NDUFS4: variants seen among roughly 807,000 people sequenced by gnomAD.
NDUFS4 encodes NADH:ubiquinone oxidoreductase subunit S4, also known as NADH dehydrogenase [ubiquinone] iron-sulfur protein 4, mitochondrial.
A neutral mutation model predicts 24.3 loss-of-function variants in NDUFS4; 28 were observed. That is an observed-to-expected ratio of 1.15 (90% CI 0.85 to 1.58). The LOEUF is 1.58. NDUFS4 is among the 40% of genes most tolerant of loss of function. The probability of loss-of-function intolerance (pLI) is 0.00; values close to 1 mark genes in which losing one functional copy is unlikely to be tolerated. For synonymous variants in NDUFS4, 93 were observed against 69.7 expected (o/e 1.34, Z -1.67); for missense variants, 223 against 207.9 (o/e 1.07, Z -0.45).
chr5:53,561,075 G>C (rs989037827), intron 1 of NDUFS4, among the ~76,000 whole-genome samples: 8 of 152,130 alleles, frequency 5.3e-5, no homozygotes, highest in Non-Finnish European at 1.0e-4. Context: ...TCAGAGAAGG[G>C]GAGGAGTCTC....
chr5:53,630,323 A>G (rs943206108), intron 2 of NDUFS4, among the ~76,000 whole-genome samples: 15 of 149,276 alleles, frequency 1.0e-4, no homozygotes, highest in African/African-American at 3.7e-4. Context: ...TTTTTTCTTC[A>G]TTTCAACCTT....
chr5:53,635,774 A>G (rs1199406233), intron 2 of NDUFS4, among the ~76,000 whole-genome samples: 2 of 152,198 alleles, frequency 1.3e-5, no homozygotes, highest in Non-Finnish European at 2.9e-5. Context: ...TGAACTTAGA[A>G]AACAAAGATT....
intron 3 of NDUFS4, among the ~76,000 whole-genome samples, chr5:53,648,309 T>G (rs1751922039): frequency 1.3e-5 from 2 of 152,160 alleles, no homozygotes; most frequent in South Asian, 4.1e-4. Flanking sequence ...GTACAAGACC[T>G]GGCCTGGAAA....
chr5:53,561,118 C>T (rs1187501581), intron 1 of NDUFS4, among the ~76,000 whole-genome samples: 1 of 152,140 alleles, frequency 6.6e-6, no homozygotes, highest in Non-Finnish European at 1.5e-5. Context: ...TGCATCCCTT[C>T]CATTTGTCAC....
At chr5:53,573,728 A>G (rs187986037) in intron 1 of NDUFS4, 421 of 323,244 alleles carry the variant, frequency 1.3e-3, no homozygotes, top group Admixed American at 3.2e-3. Context: ...AGCTGCGACT[A>G]TAGGCATGTA....
In NDUFS4 at chr5:53,646,233, G is replaced by A. The variant is rs1255777831; in HGVS notation, c.178G>A (p.Asp60Asn). ...TQLITVDEKL[D>N]ITTLTGVPEE... ...GTTTTTTTTTCTTGTTTTTCTGTAG[G>A]ATATCACTACTTTAACTGGAGTTCC... The change falls in exon 3 of 5, where the codon GAT (aspartate) becomes AAT (asparagine). Residue 60 changes from aspartate (D) to asparagine (N), a missense_variant and splice_region_variant. By Grantham distance (23) the Asp-to-Asn change is conservative. Coordinates refer to ENST00000296684, the MANE Select transcript of NDUFS4 (RefSeq NM_002495.4). 2 of 1,605,892 alleles carry A rather than the reference G, an allele frequency of 1.2e-6. No homozygotes were observed. The highest frequency in any genetic ancestry group is 1.7e-6 in the Non-Finnish European group (2 of 1,173,574).
chr5:53,600,688 G>A (rs538020390), intron 1 of NDUFS4, among the ~76,000 whole-genome samples: 16 of 152,260 alleles, frequency 1.1e-4, no homozygotes, highest in Non-Finnish European at 2.1e-4. Context: ...CAGAATTGGA[G>A]AAAAACTTTT....
At chr5:53,615,156 TA>T (rs1313808106) in intron 2 of NDUFS4, among the ~76,000 whole-genome samples, 2 of 151,948 alleles carry the variant, frequency 1.3e-5, no homozygotes, top group East Asian at 3.8e-4. Context: ...GTCTTTTTGG[TA>T]GTAAATAGTA....
At chr5:53,615,571 G>A (rs1750815832) in intron 2 of NDUFS4, among the ~76,000 whole-genome samples, 1 of 151,968 alleles carries the variant, frequency 6.6e-6, no homozygotes, top group African/African-American at 2.4e-5. Flanking sequence ...GAAAAATAGG[G>A]CAGTGATATG....
At chr5:53,633,559 A>G (rs1316184133) in intron 2 of NDUFS4, among the ~76,000 whole-genome samples, 3 of 152,128 alleles carry the variant, frequency 2.0e-5, no homozygotes, top group African/African-American at 7.2e-5. Context: ...CATCTAGCCT[A>G]CGCATAAAAA....
At chr5:53,564,074 T>TC in intron 1 of NDUFS4, among the ~76,000 whole-genome samples, 1 of 152,210 alleles carries the variant, frequency 6.6e-6, no homozygotes, top group East Asian at 1.9e-4. Flanking sequence ...AATTAATGAC[T>TC]GGTGGGGACT....
intron 2 of NDUFS4, among the ~76,000 whole-genome samples, chr5:53,632,546 C>G (rs562670796): frequency 1.3e-5 from 2 of 152,288 alleles, no homozygotes; most frequent in South Asian, 4.1e-4. Flanking sequence ...TCAGAAATGT[C>G]ATTTGACTCA....
intron 2 of NDUFS4, among the ~76,000 whole-genome samples, chr5:53,629,150 CAGG>C (rs1466623525): frequency 1.3e-5 from 2 of 152,154 alleles, no homozygotes; most frequent in Non-Finnish European, 2.9e-5. Context: ...AGTAGTCATT[CAGG>C]AGGAGGTTGT....
chr5:53,670,997 AT>A (rs1265220732), intron 4 of NDUFS4, among the ~76,000 whole-genome samples: 1 of 151,666 alleles, frequency 6.6e-6, no homozygotes, highest in Non-Finnish European at 1.5e-5. Flanking sequence ...ATATAGAGAG[AT>A]AATATATATA....
intron 2 of NDUFS4, among the ~76,000 whole-genome samples, chr5:53,644,011 CTT>C (rs1751774184): frequency 6.6e-6 from 1 of 152,080 alleles, no homozygotes; most frequent in Admixed American, 6.6e-5. Context: ...TGTGTAGACA[CTT>C]TTTAAAAAAG....
chr5:53,585,810 T>C (rs1470836511), intron 1 of NDUFS4, among the ~76,000 whole-genome samples: 1 of 152,176 alleles, frequency 6.6e-6, no homozygotes, highest in African/African-American at 2.4e-5. Flanking sequence ...TGTATTGTAA[T>C]TTATTTTTAT....
chr5:53,590,863 T>G (rs950988620), intron 1 of NDUFS4, among the ~76,000 whole-genome samples: 1 of 152,198 alleles, frequency 6.6e-6, no homozygotes, highest in Non-Finnish European at 1.5e-5. Context: ...GTGCAACCAT[T>G]ACCATCATAT....
intron 2 of NDUFS4, among the ~76,000 whole-genome samples, chr5:53,635,131 A>G (rs1751510966): frequency 6.6e-6 from 1 of 152,032 alleles, no homozygotes; most frequent in African/African-American, 2.4e-5. Context: ...CGGTGGTTGC[A>G]GTGAGCTGAG....
intron 2 of NDUFS4, among the ~76,000 whole-genome samples, chr5:53,637,785 C>G (rs191218007): frequency 3.3e-5 from 5 of 152,110 alleles, no homozygotes; most frequent in Admixed American, 3.3e-4. Flanking sequence ...TTTCTTCATT[C>G]GAGTTCTGGA....
Sources: gnomAD v4.1 joint callset for allele counts (sites outside exome capture counted in the v4.1 genomes callset) on GRCh38, gnomAD v4.1.1 for gene constraint, MANE v1.5 for transcripts, NCBI Gene and HGNC (gene_info 2026-07-23, HGNC 2026-07-21) for gene names.